Variants in FAM13B observed in about 807,000 individuals in gnomAD.
FAM13B encodes protein FAM13B.
FAM13B carries 60 observed loss-of-function variants against 117.3 expected under a neutral mutation model. The observed-to-expected ratio is 0.51, with a 90% CI of 0.42 to 0.63. FAM13B has a LOEUF of 0.63. Among genes scored for constraint, FAM13B ranks in the 30% least tolerant of loss-of-function variants. FAM13B has a pLI of 0.00. For missense variants in FAM13B, 972 were observed against 1,091.9 expected (o/e 0.89, Z 1.55); for synonymous variants, 332 against 356.1 (o/e 0.93, Z 0.76).
intron 10 of FAM13B, among the ~76,000 whole-genome samples, chr5:137,967,292 G>A (rs1399694365): frequency 4.6e-5 from 7 of 152,224 alleles, no homozygotes; most frequent in South Asian, 4.1e-4. Flanking sequence ...TTGAGAGGCC[G>A]AGGTGGGTGG....
At chr5:138,004,586 A>C (rs551181698) in intron 7 of FAM13B, among the ~76,000 whole-genome samples, 1 of 152,218 alleles carries the variant, frequency 6.6e-6, no homozygotes, top group Non-Finnish European at 1.5e-5. Context: ...AGGAATTTTA[A>C]AATTTTATTT....
At chr5:137,992,492 G>A (rs1401747694) in intron 7 of FAM13B, among the ~76,000 whole-genome samples, 2 of 152,068 alleles carry the variant, frequency 1.3e-5, no homozygotes, top group Admixed American at 6.5e-5. Flanking sequence ...TACTCGGGAG[G>A]CTGAGGCAGG....
chr5:138,019,548 T>C (rs1485943092), intron 2 of FAM13B, among the ~76,000 whole-genome samples: 1 of 152,206 alleles, frequency 6.6e-6, no homozygotes, highest in Non-Finnish European at 1.5e-5. Flanking sequence ...ATCTAACCCC[T>C]CAATTCATAA....
chr5:137,967,355 C>G (rs1441152539), intron 10 of FAM13B, among the ~76,000 whole-genome samples: 1 of 152,016 alleles, frequency 6.6e-6, no homozygotes, highest in Non-Finnish European at 1.5e-5. Flanking sequence ...GAAACCCGGT[C>G]TCTAGTAAAA....
chr5:137,987,816 A>G (rs149041102), intron 8 of FAM13B, among the ~76,000 whole-genome samples, 200 bp from the exon 9 acceptor site: 245 of 152,334 alleles, frequency 1.6e-3, no homozygotes, highest in Non-Finnish European at 2.9e-3. Flanking sequence ...ACAGACAATC[A>G]TATACAAATC....
At chr5:138,012,643 G>A (rs935249465) in intron 4 of FAM13B, among the ~76,000 whole-genome samples, 1 of 152,102 alleles carries the variant, frequency 6.6e-6, no homozygotes, top group Non-Finnish European at 1.5e-5. Flanking sequence ...AACTAGACCC[G>A]TATTCATTCC....
chr5:137,985,473 G>T, intron 9 of FAM13B, 84 bp from the exon 10 acceptor site: 1 of 1,312,246 alleles, frequency 7.6e-7, no homozygotes, highest in South Asian at 1.5e-5. Flanking sequence ...TATCAATAAT[G>T]ATCTGAAACT....
rs1581197188 is a variant in FAM13B, at chr5:137,993,221, C to A, written c.849-4906G>T. On this transcript the variant is annotated intron_variant, in intron 7 of 23. Transcript: ENST00000689681. ...GAGGGGATGAGGATTTTGAGAGCCA[C>A]TGGGGTGCTGTCAGTTTATTCACAG... Among the ~76,000 whole-genome samples, 3 of 152,186 alleles carry A rather than the reference C, an allele frequency of 2.0e-5. No homozygotes were observed. In the East Asian group the frequency reaches 5.8e-4, roughly 29 times the overall value.
chr5:137,965,109 C>T (rs574370644), intron 10 of FAM13B, among the ~76,000 whole-genome samples: 273 of 152,192 alleles, frequency 1.8e-3, no homozygotes, highest in African/African-American at 6.2e-3. Context: ...GAGCAGATTG[C>T]GGTGAGTGGA....
intron 1 of FAM13B, among the ~76,000 whole-genome samples, chr5:138,023,808 C>T (rs1787445111): frequency 6.6e-6 from 1 of 152,196 alleles, no homozygotes. Flanking sequence ...AATCCACCCA[C>T]TTCAGCCTCC....
At chr5:137,975,184 C>T (rs916476834) in intron 10 of FAM13B, among the ~76,000 whole-genome samples, 3 of 152,252 alleles carry the variant, frequency 2.0e-5, no homozygotes, top group South Asian at 4.1e-4. Context: ...ACTTGAATCA[C>T]GCCATGCCAT....
At chr5:137,988,226 A>C (rs1416647006) in intron 8 of FAM13B, 48 bp downstream of exon 8, 2 of 1,323,120 alleles carry the variant, frequency 1.5e-6, no homozygotes, top group Non-Finnish European at 2.1e-6. Context: ...ACAGCTTAGT[A>C]GTATTTTAAA....
At chr5:137,980,440 CTTTTTTT>C (rs11309404) in intron 10 of FAM13B, among the ~76,000 whole-genome samples, 1 of 84,952 alleles carries the variant, frequency 1.2e-5, no homozygotes, top group Non-Finnish European at 2.4e-5. Flanking sequence ...ACACTAATTT[CTTTTTTT>C]TTTTTTTTTT....
chr5:138,036,897 C>T (rs1791218519), upstream of FAM13B: 1 of 334,406 alleles, frequency 3.0e-6, no homozygotes, highest in Admixed American at 4.6e-5. Flanking sequence ...CTGCTGAATA[C>T]AGACATTTTT....
At position 137,982,817 on chromosome 5, in the gene FAM13B, T is replaced by A. The variant is rs112154434; in HGVS notation, c.1179+2440A>T. Among the ~76,000 whole-genome samples the A allele has an allele frequency of 2.2e-4, 34 of 152,334 alleles. 2 individuals are homozygous for A. Among genetic ancestry groups the A allele is most frequent in the African/African-American group, 7.7e-4 (32 of 41,574 alleles). ...AAAACTTACATTAAATAAATGTGCA[T>A]GCTTTTCTCTTGTTAATGTCTTCTG... On this transcript the variant is annotated intron_variant, in intron 10 of 23. Transcript: ENST00000689681.
At chr5:138,031,772 A>C (rs1790112509) in intron 1 of FAM13B, among the ~76,000 whole-genome samples, 1 of 152,228 alleles carries the variant, frequency 6.6e-6, no homozygotes, top group Admixed American at 6.5e-5. Flanking sequence ...GCACTTAGTA[A>C]ATGCACAGTA....
intron 13 of FAM13B, among the ~76,000 whole-genome samples, chr5:137,959,395 T>C (rs956289146): frequency 2.0e-5 from 3 of 152,174 alleles, no homozygotes; most frequent in African/African-American, 4.8e-5. Context: ...TTCAAAGCTG[T>C]TGATGGATCA....
intron 7 of FAM13B, among the ~76,000 whole-genome samples, chr5:137,996,648 A>C (rs1270665963): frequency 6.6e-6 from 1 of 151,648 alleles, no homozygotes; most frequent in Non-Finnish European, 1.5e-5. Context: ...ACTGGAGTGC[A>C]ATGTGCAATC....
chr5:137,946,200 C>A, intron 19 of FAM13B, 28 bp downstream of exon 19: 1 of 1,546,422 alleles, frequency 6.5e-7, no homozygotes, highest in South Asian at 1.2e-5. Flanking sequence ...GACATAAAAT[C>A]AAATCTTTTT....
Sources: allele counts gnomAD v4.1 joint callset (sites outside exome capture counted in the v4.1 genomes callset), GRCh38; gene constraint gnomAD v4.1.1; transcripts MANE v1.5; gene names NCBI Gene and HGNC (gene_info 2026-07-23, HGNC 2026-07-21).